NRG3: variants seen among roughly 807,000 people sequenced by gnomAD.
NRG3 encodes the protein pro-neuregulin-3, membrane-bound isoform.
Under a neutral mutation model 66.9 loss-of-function variants are expected in NRG3, and 31 were observed. The observed-to-expected ratio is 0.46, with a 90% CI of 0.35 to 0.63. The LOEUF (loss-of-function observed/expected upper bound fraction) is 0.63, where lower values mean the gene tolerates loss of function less well. Among genes scored for constraint, NRG3 ranks in the 20% least tolerant of loss-of-function variants. The probability of loss-of-function intolerance (pLI) is 0.00; values close to 1 mark genes in which losing one functional copy is unlikely to be tolerated. For missense variants in NRG3, 910 were observed against 878.9 expected (o/e 1.04, Z -0.45); for synonymous variants, 393 against 359.4 (o/e 1.09, Z -1.06).
chr10:82,531,948 C>T (rs536844240), intron 2 of NRG3, among the ~76,000 whole-genome samples: 2 of 151,920 alleles, frequency 1.3e-5, no homozygotes, highest in Non-Finnish European at 3.0e-5. Flanking sequence ...TCCTCCTTCT[C>T]CTAGCCCCTG....
intron 1 of NRG3, among the ~76,000 whole-genome samples, chr10:82,274,486 T>C (rs2078746830): frequency 6.6e-6 from 1 of 152,010 alleles, no homozygotes. Context: ...TGAATAAAAA[T>C]GAATGAAAAT....
chr10:81,994,648 G>A (rs2060868041), intron 1 of NRG3, among the ~76,000 whole-genome samples: 2 of 151,990 alleles, frequency 1.3e-5, no homozygotes, highest in East Asian at 3.9e-4. Context: ...AAGTGATCAA[G>A]AATATGCTGG....
At chr10:82,488,778 A>C (rs998716804) in intron 2 of NRG3, among the ~76,000 whole-genome samples, 1 of 152,196 alleles carries the variant, frequency 6.6e-6, no homozygotes, top group Non-Finnish European at 1.5e-5. Flanking sequence ...AACCTCAGGA[A>C]TTAATGATTT....
chr10:82,385,620 AG>A (rs1249393977), intron 2 of NRG3, among the ~76,000 whole-genome samples: 1 of 152,176 alleles, frequency 6.6e-6, no homozygotes, highest in Non-Finnish European at 1.5e-5. Context: ...AGGAATAAGG[AG>A]GGCAATATTT....
chr10:82,132,544 T>TATCATATATATATATATG (rs2068999994), intron 1 of NRG3, among the ~76,000 whole-genome samples: 1 of 137,644 alleles, frequency 7.3e-6, no homozygotes, highest in Non-Finnish European at 1.6e-5. Context: ...ATGATATATA[T>TATCATATATATATATATG]ATATCTTTGT....
rs111475877 is a variant in NRG3 at position 82,681,020 on chromosome 10, A to C, written c.954-57557A>C. On this transcript the variant is annotated intron_variant, in intron 2 of 8. Transcript: ENST00000372141. ...CAGGCTGTTTTCTCTAGAGCCTTGAAGCCCAGGGTCTAGACCAGACATTAC... is the reference window on the plus strand; with the variant it reads ...CAGGCTGTTTTCTCTAGAGCCTTGACGCCCAGGGTCTAGACCAGACATTAC... 2.0e-5 allele frequency among the ~76,000 whole-genome samples: 3 copies of C among 152,338 alleles called. 1 individual carries two copies. Among genetic ancestry groups the C allele is most frequent in the African/African-American group, 7.2e-5 (3 of 41,568 alleles).
At chr10:82,166,888 T>G (rs903546176) in intron 1 of NRG3, 8 of 590,168 alleles carry the variant, frequency 1.4e-5, no homozygotes, top group African/African-American at 1.3e-4. Flanking sequence ...CTCAGTAGTT[T>G]TTTTTTATTC....
At chr10:82,424,377 T>G (rs1255261881) in intron 2 of NRG3, among the ~76,000 whole-genome samples, 2 of 152,094 alleles carry the variant, frequency 1.3e-5, no homozygotes, top group African/African-American at 4.8e-5. Flanking sequence ...ATTGAGGTTT[T>G]GATGTGCATT....
At chr10:82,406,039 G>T (rs1480484187) in intron 2 of NRG3, among the ~76,000 whole-genome samples, 1 of 152,140 alleles carries the variant, frequency 6.6e-6, no homozygotes. Context: ...AGGTCAAGAT[G>T]ATGCCTCAAA....
intron 2 of NRG3, among the ~76,000 whole-genome samples, chr10:82,721,582 C>A (rs1373901790): frequency 6.6e-6 from 1 of 152,062 alleles, no homozygotes; most frequent in Admixed American, 6.6e-5. Context: ...TCCGCCACAC[C>A]TGGCTAATTT....
At chr10:82,151,641 T>C (rs1270573054) in intron 1 of NRG3, among the ~76,000 whole-genome samples, 2 of 152,212 alleles carry the variant, frequency 1.3e-5, no homozygotes, top group Non-Finnish European at 2.9e-5. Flanking sequence ...GGTCTTTATC[T>C]AATAAAGCTT....
chr10:82,097,915 C>G (rs879351603), intron 1 of NRG3, among the ~76,000 whole-genome samples: 1 of 151,884 alleles, frequency 6.6e-6, no homozygotes, highest in Non-Finnish European at 1.5e-5. Flanking sequence ...TTGATAAAGT[C>G]TCTGTTTGGG....
chr10:82,394,766 T>C (rs1158460897), intron 2 of NRG3, among the ~76,000 whole-genome samples: 2 of 152,230 alleles, frequency 1.3e-5, no homozygotes, highest in African/African-American at 4.8e-5. Flanking sequence ...ATAGGTTATT[T>C]TGACTCTCCA....
At chr10:81,878,716 A>G (rs1052734487) in intron 1 of NRG3, among the ~76,000 whole-genome samples, 1 of 152,062 alleles carries the variant, frequency 6.6e-6, no homozygotes, top group African/African-American at 2.4e-5. Flanking sequence ...AATGAAAGTA[A>G]TGGATTCTGT....
intron 2 of NRG3, among the ~76,000 whole-genome samples, chr10:82,501,064 C>T (rs1844135117): frequency 6.6e-6 from 1 of 152,104 alleles, no homozygotes; most frequent in South Asian, 2.1e-4. Flanking sequence ...TCTGGGATAT[C>T]TCTACCTCCA....
chr10:82,048,439 A>G (rs944195762), intron 1 of NRG3, among the ~76,000 whole-genome samples: 1 of 152,148 alleles, frequency 6.6e-6, no homozygotes, highest in African/African-American at 2.4e-5. Context: ...CTCAGGATTA[A>G]GAGACTCACT....
intron 1 of NRG3, among the ~76,000 whole-genome samples, chr10:81,980,396 G>A (rs2060290620): frequency 6.6e-6 from 1 of 152,082 alleles, no homozygotes; most frequent in African/African-American, 2.4e-5. Flanking sequence ...CATGGCTTTT[G>A]GGGGAGTCAG....
At chr10:82,935,945 A>G (rs752907573) in intron 4 of NRG3, among the ~76,000 whole-genome samples, 1 of 152,218 alleles carries the variant, frequency 6.6e-6, no homozygotes, top group Non-Finnish European at 1.5e-5. Context: ...TCAAAAATAG[A>G]TACAACTAGC....
intron 2 of NRG3, among the ~76,000 whole-genome samples, chr10:82,386,597 A>G (rs2135915782): frequency 6.6e-6 from 1 of 152,238 alleles, no homozygotes; most frequent in African/African-American, 2.4e-5. Flanking sequence ...TTAATCTCAA[A>G]GGTCATGAAA....
Sources: allele counts gnomAD v4.1 joint callset (sites outside exome capture counted in the v4.1 genomes callset), GRCh38; gene constraint gnomAD v4.1.1; transcripts MANE v1.5; gene names NCBI Gene and HGNC (gene_info 2026-07-23, HGNC 2026-07-21).